The following LRRTM4 variants were observed in gnomAD, a reference collection of about 807,000 sequenced individuals.
LRRTM4 encodes leucine-rich repeat transmembrane neuronal protein 4.
A neutral mutation model predicts 47.6 loss-of-function variants in LRRTM4; 25 were observed. That is an observed-to-expected ratio of 0.53 (90% CI 0.38 to 0.73). LRRTM4 has a LOEUF of 0.73. Ranked by LOEUF, LRRTM4 falls within the 30% of genes least tolerant of loss-of-function variation. The probability of loss-of-function intolerance (pLI) is 0.00; values close to 1 mark genes in which losing one functional copy is unlikely to be tolerated. For missense variants in LRRTM4, 638 were observed against 713.4 expected, an observed-to-expected ratio of 0.89 and a Z score of 1.20; for synonymous variants, 311 against 269.5, an observed-to-expected ratio of 1.15 and a Z score of -1.51.
chr2:76,874,748 A>T (rs1410943767), intron 3 of LRRTM4, among the ~76,000 whole-genome samples: 3 of 151,922 alleles, frequency 2.0e-5, no homozygotes, highest in Non-Finnish European at 4.4e-5. Flanking sequence ...TAGAAATAGA[A>T]TAGCTTTCAG....
chr2:77,201,906 C>T (rs964515028), intron 3 of LRRTM4, among the ~76,000 whole-genome samples: 3 of 152,058 alleles, frequency 2.0e-5, no homozygotes, highest in Admixed American at 6.6e-5. Flanking sequence ...GTCATCGATG[C>T]TATTTCAGAT....
chr2:77,229,365 C>T (rs974721407), intron 3 of LRRTM4, among the ~76,000 whole-genome samples: 5 of 152,082 alleles, frequency 3.3e-5, no homozygotes, highest in Non-Finnish European at 5.9e-5. Context: ...CAAACAATTT[C>T]TTAACTTTCT....
At chr2:76,892,217 T>C (rs1177274452) in intron 3 of LRRTM4, among the ~76,000 whole-genome samples, 1 of 151,568 alleles carries the variant, frequency 6.6e-6, no homozygotes, top group Non-Finnish European at 1.5e-5. Context: ...GTTTAAAACT[T>C]TCTTAGGACA....
chr2:77,289,385 T>C (rs1359262777), intron 3 of LRRTM4, among the ~76,000 whole-genome samples: 1 of 150,862 alleles, frequency 6.6e-6, no homozygotes, highest in Non-Finnish European at 1.5e-5. Flanking sequence ...GTACCCTTCA[T>C]TAACTACATG....
At chr2:77,142,426 C>A (rs1431595768) in intron 3 of LRRTM4, among the ~76,000 whole-genome samples, 1 of 118,654 alleles carries the variant, frequency 8.4e-6, no homozygotes, top group African/African-American at 4.2e-5. Flanking sequence ...TTACCACACA[C>A]ACATACACAC....
At position 77,473,341 on chromosome 2, in the gene LRRTM4, T is replaced by A. The variant is rs182763170; in HGVS notation, c.1551+44977A>T. Among the ~76,000 whole-genome samples, 25 of 152,282 alleles carry A rather than the reference T, an allele frequency of 1.6e-4. 1 individual carries two copies. The highest frequency in any genetic ancestry group is 1.4e-3 in the Admixed American group (21 of 15,282). On this transcript the variant is annotated intron_variant, in intron 3 of 3. Transcript: ENST00000409884. The stretch of plus-strand genomic sequence containing the variant: ...AAATCATAAGGAGGCAGTTTTAGGA[T>A]AAATAAGCTCATTTTTATAACAAGA...
chr2:76,810,757 T>C (rs1670707849), intron 3 of LRRTM4, among the ~76,000 whole-genome samples: 1 of 152,178 alleles, frequency 6.6e-6, no homozygotes, highest in South Asian at 2.1e-4. Context: ...ATTGGCCCCT[T>C]AATGAAAAGG....
chr2:77,167,343 C>T (rs571807836), intron 3 of LRRTM4, among the ~76,000 whole-genome samples: 1 of 152,278 alleles, frequency 6.6e-6, no homozygotes, highest in East Asian at 1.9e-4. Context: ...AACACTATTA[C>T]ACTGTTGGTA....
At chr2:77,461,644 G>A (rs1676793856) in intron 3 of LRRTM4, among the ~76,000 whole-genome samples, 1 of 152,042 alleles carries the variant, frequency 6.6e-6, no homozygotes, top group African/African-American at 2.4e-5. Flanking sequence ...TCAGAAAGAA[G>A]CAATTACACG....
rs11887393 is a variant in LRRTM4, at chr2:76,848,397, A to G, written c.1552-99481T>C. ...TCTTATTTTTTTGCATTAATTAAAG[A>G]CTCCAAAATTATATACTTCCCTCAA... On this transcript the variant is annotated intron_variant, in intron 3 of 3. Transcript: ENST00000409884. 5.9e-3 allele frequency among the ~76,000 whole-genome samples: 903 copies of G among 152,114 alleles called. 6 individuals are homozygous for G. Among genetic ancestry groups the G allele is most frequent in the African/African-American group, 0.019 (783 of 41,532 alleles).
intron 3 of LRRTM4, among the ~76,000 whole-genome samples, chr2:76,884,828 T>G (rs987397716): frequency 6.6e-6 from 1 of 152,110 alleles, no homozygotes; most frequent in African/African-American, 2.4e-5. Flanking sequence ...TGAATAAAAA[T>G]ATTCATCAGT....
At chr2:77,424,399 C>T (rs528726457) in intron 3 of LRRTM4, among the ~76,000 whole-genome samples, 3 of 151,464 alleles carry the variant, frequency 2.0e-5, no homozygotes, top group African/African-American at 7.3e-5. Context: ...TTTTGGCATT[C>T]GCAAGTTTTT....
chr2:77,029,331 T>A (rs548782471), intron 3 of LRRTM4, among the ~76,000 whole-genome samples: 1 of 151,552 alleles, frequency 6.6e-6, no homozygotes, highest in Non-Finnish European at 1.5e-5. Context: ...CCAGTCCGAG[T>A]CCCAAAACCT....
At chr2:76,800,056 C>A (rs1013472810) in intron 3 of LRRTM4, among the ~76,000 whole-genome samples, 16 of 151,782 alleles carry the variant, frequency 1.1e-4, no homozygotes, top group Non-Finnish European at 1.9e-4. Flanking sequence ...CAATGCCATC[C>A]CCCTCAAGCT....
chr2:76,826,571 T>C (rs1159167440), intron 3 of LRRTM4, among the ~76,000 whole-genome samples: 1 of 151,730 alleles, frequency 6.6e-6, no homozygotes, highest in Non-Finnish European at 1.5e-5. Flanking sequence ...GATTTTGAAA[T>C]TTATCTGTAA....
At chr2:77,372,593 T>A (rs901133712) in intron 3 of LRRTM4, among the ~76,000 whole-genome samples, 2 of 151,662 alleles carry the variant, frequency 1.3e-5, no homozygotes, top group Non-Finnish European at 2.9e-5. Context: ...TGGTAAAAAA[T>A]TTTCCACTTA....
chr2:77,480,818 GTGTGGA>G lies in LRRTM4; in HGVS notation c.1551+37494_1551+37499del, dbSNP rs1250461580. Among the ~76,000 whole-genome samples, 1,655 of 114,708 alleles carry G rather than the reference GTGTGGA, an allele frequency of 0.014. 13 individuals are homozygous for G. The East Asian group carries it at 0.16, about 11-fold the overall frequency. 75.3% of individuals were successfully genotyped at this position (114,708 alleles called of 152,430 possible). ...TGTGTGTGTGTGTGTGTGTGTGTGTGTGTGGAGAGAGAGAGAGAGAGAGAGAGAGAG... is the reference window on the plus strand; with the variant it reads ...TGTGTGTGTGTGTGTGTGTGTGTGTGGAGAGAGAGAGAGAGAGAGAGAGAG... On this transcript the variant is annotated intron_variant, in intron 3 of 3. Coordinates refer to ENST00000409884, the MANE Select transcript of LRRTM4 (RefSeq NM_001134745.3).
chr2:76,944,387 C>T (rs1345000598), intron 3 of LRRTM4, among the ~76,000 whole-genome samples: 1 of 152,126 alleles, frequency 6.6e-6, no homozygotes, highest in Non-Finnish European at 1.5e-5. Flanking sequence ...ACACTGAATT[C>T]TCCATCTACT....
At chr2:77,227,601 C>A (rs548475376) in intron 3 of LRRTM4, among the ~76,000 whole-genome samples, 1 of 152,106 alleles carries the variant, frequency 6.6e-6, no homozygotes, top group Non-Finnish European at 1.5e-5. Context: ...AGCTGTATCC[C>A]AGACTTGTGA....
Sources: allele counts gnomAD v4.1 joint callset (sites outside exome capture counted in the v4.1 genomes callset), GRCh38; gene constraint gnomAD v4.1.1; transcripts MANE v1.5; gene names NCBI Gene and HGNC (gene_info 2026-07-23, HGNC 2026-07-21).